MUC12: variants seen among roughly 807,000 people sequenced by gnomAD.
MUC12 encodes the protein mucin-12.
A neutral mutation model predicts 230.8 loss-of-function variants in MUC12; 172 were observed. The observed-to-expected ratio is 0.75, with a 90% CI of 0.66 to 0.85. The LOEUF (loss-of-function observed/expected upper bound fraction) is 0.85, where lower values mean the gene tolerates loss of function less well. MUC12 is among the 40% of genes least tolerant of loss of function. The probability of loss-of-function intolerance (pLI) is 0.00; values close to 1 mark genes in which losing one functional copy is unlikely to be tolerated. For synonymous variants in MUC12, 1,259 were observed against 2,401.9 expected, an observed-to-expected ratio of 0.52 and a Z score of 13.91; for missense variants, 3,506 against 5,920.6, an observed-to-expected ratio of 0.59 and a Z score of 13.38.
intron 10 of MUC12, chr7:101,017,373 C>A: frequency 1.8e-6 from 1 of 552,958 alleles, no homozygotes. Flanking sequence ...CCTCCTGTTC[C>A]GGGGTCCAGC....
rs771524348 is a variant in MUC12 at position 100,991,424 on chromosome 7, T to C, written c.861T>C (p.Thr287=). 1.3e-6 allele frequency: 2 copies of C among 1,537,790 alleles called. No individual in the cohort carries two copies. The highest frequency in any genetic ancestry group is 2.4e-5 in the South Asian group (2 of 84,052). The change falls in exon 2 of 12, where the codon ACT becomes ACC. Residue 287 remains threonine (T), a synonymous_variant. Coordinates refer to ENST00000536621, the MANE Select transcript of MUC12 (RefSeq NM_001164462.2). ...AGAGCTGGCCAAGCTCAAAGGACAC[T>C]TCGCCTGCACCTTCTGGTACCACAT... ...TFQSWPSSKD[T]SPAPSGTTSA... is the part of the protein sequence containing the mutation.
At chr7:101,008,179 G>A (rs755341384) in intron 3 of MUC12, among the ~76,000 whole-genome samples, 2 of 151,922 alleles carry the variant, frequency 1.3e-5, no homozygotes, top group Non-Finnish European at 2.9e-5. Context: ...AGGCTGGAGT[G>A]CAGAGGTGCA....
chr7:101,008,729 T>C lies in MUC12; in HGVS notation c.15154T>C (p.Tyr5052His). 2.0e-6 allele frequency: 3 copies of C among 1,537,248 alleles called. No homozygotes were observed. The highest frequency in any genetic ancestry group is 2.6e-6 in the Non-Finnish European group (3 of 1,146,926). ...EKMNDASSQE[Y>H]QNFSTLFKNR... ...GATGAATGACGCATCCTCCCAGGAA[T>C]ACCAGAACTTCAGTACCCTCTTCAA... Residue 5052 changes from tyrosine (Y) to histidine (H), a missense_variant, in exon 4 of 12, where the codon TAC becomes CAC. Transcript: ENST00000536621.
intron 5 of MUC12, among the ~76,000 whole-genome samples, chr7:101,009,772 C>T (rs546773995): frequency 2.0e-5 from 3 of 152,136 alleles, no homozygotes; most frequent in South Asian, 4.2e-4. Flanking sequence ...CAGAGGGAAT[C>T]GATGAGAAGA....
intron 8 of MUC12, 97 bp downstream of exon 8, chr7:101,013,239 C>T (rs1793864137): frequency 5.7e-6 from 8 of 1,391,746 alleles, no homozygotes; most frequent in Middle Eastern, 2.4e-4. Context: ...TTGAGTAGAG[C>T]TTGGGAGGTG....
intron 1 of MUC12, chr7:100,972,059 CTCCGGAGGGCTCCGGAAGATCTGATTAGA>C: frequency 1.4e-6 from 1 of 702,538 alleles, no homozygotes; most frequent in Non-Finnish European, 2.6e-6. Flanking sequence ...AGTAGGGCCA[CTCCGGAGGGCTCCGGAAGATCTGATTAGA>C]TCCAGAGACC....
At chr7:101,009,252 A>T in intron 5 of MUC12, 93 bp downstream of exon 5, 3 of 1,317,926 alleles carry the variant, frequency 2.3e-6, no homozygotes, top group Non-Finnish European at 3.2e-6. Flanking sequence ...CTAGAATATC[A>T]ATACTGGTTG....
chr7:100,978,052 T>C (rs1178524693), intron 1 of MUC12, among the ~76,000 whole-genome samples: 1 of 152,234 alleles, frequency 6.6e-6, no homozygotes, highest in Non-Finnish European at 1.5e-5. Context: ...TAATGACATC[T>C]GGAAAGCCCC....
At position 100,991,996 on chromosome 7, in the gene MUC12, C is replaced by T; in HGVS notation, c.1433C>T (p.Thr478Ile). Residue 478 changes from threonine to isoleucine, a missense_variant, in exon 2 of 12, where the codon ACA (threonine) becomes ATA (isoleucine). Transcript: ENST00000536621. Reference protein sequence around the residue: ...SPISSGSMETTALPGSTTKPG... With the variant: ...SPISSGSMETIALPGSTTKPG... ...ATCAGTTCAGGCTCAATGGAAACCA[C>T]AGCGTTACCCGGCAGTACCACAAAA... is the stretch of plus-strand genomic sequence containing the variant. 2 of 1,537,990 alleles carry T rather than the reference C, an allele frequency of 1.3e-6. No individual in the cohort carries two copies. Among genetic ancestry groups the T allele is most frequent in the African/African-American group, 1.4e-5 (1 of 73,184 alleles).
intron 1 of MUC12, among the ~76,000 whole-genome samples, chr7:100,990,018 G>T (rs1435004527): frequency 1.3e-5 from 2 of 152,148 alleles, no homozygotes; most frequent in Non-Finnish European, 2.9e-5. Context: ...ACAAATTACA[G>T]TCAAGACTCA....
At chr7:100,984,671 C>T (rs531947479) in intron 1 of MUC12, among the ~76,000 whole-genome samples, 10 of 152,242 alleles carry the variant, frequency 6.6e-5, no homozygotes, top group Admixed American at 2.0e-4. Flanking sequence ...GTTACTTTGG[C>T]CTTTGTGTGC....
chr7:100,981,356 T>C, intron 1 of MUC12: 1 of 620,440 alleles, frequency 1.6e-6, no homozygotes, highest in Non-Finnish European at 2.9e-6. Flanking sequence ...ATGGTTCCCT[T>C]GTCCCTCCTG....
intron 1 of MUC12, among the ~76,000 whole-genome samples, chr7:100,979,597 T>G (rs1338649637): frequency 1.3e-5 from 2 of 151,988 alleles, no homozygotes; most frequent in Non-Finnish European, 2.9e-5. Context: ...CTGGCCAACA[T>G]GGTGAAACCC....
At chr7:100,982,469 C>T (rs1205176627) in intron 1 of MUC12, among the ~76,000 whole-genome samples, 2 of 150,250 alleles carry the variant, frequency 1.3e-5, no homozygotes, top group Non-Finnish European at 3.0e-5. Context: ...CAGGGTCTTG[C>T]TCTGTTGCCC....
chr7:101,013,165 C>G, intron 8 of MUC12, 23 bp downstream of exon 8: 1 of 1,536,718 alleles, frequency 6.5e-7, no homozygotes, highest in Non-Finnish European at 8.7e-7. Context: ...ATAAGCCCAG[C>G]ACCCACTCTG....
At chr7:101,006,367 C>T (rs1350405564) in intron 2 of MUC12, 104 bp from the exon 3 acceptor site, 22 of 754,824 alleles carry the variant, frequency 2.9e-5, no homozygotes, top group Non-Finnish European at 4.8e-5. Context: ...CTGGCATCGT[C>T]CTGCTCTCCA....
At chr7:101,006,142 C>T (rs1322685959) in intron 2 of MUC12, among the ~76,000 whole-genome samples, 1 of 152,148 alleles carries the variant, frequency 6.6e-6, no homozygotes, top group Non-Finnish European at 1.5e-5. Context: ...CTCTGGCCTC[C>T]TGTGGTTTTG....
chr7:100,980,112 C>A (rs1165141600), intron 1 of MUC12, among the ~76,000 whole-genome samples: 1 of 151,780 alleles, frequency 6.6e-6, no homozygotes, highest in Admixed American at 6.6e-5. Context: ...GGTGCCATCT[C>A]GGCTCACTGC....
In MUC12 at chr7:100,995,941, G is replaced by T. The variant is rs572935400; in HGVS notation, c.5378G>T (p.Arg1793Leu). The stretch of plus-strand genomic sequence containing the variant: ...CCTGAAAGCTCCACAGCTTCAGGTC[G>T]TAGTGAAGAATCAAGAACTTCCCAC... ...HFPESSTASG[R>L]SEESRTSHSS... Residue 1793 changes from arginine (R) to leucine (L), a missense_variant, in exon 2 of 12, where the codon CGT becomes CTT. By Grantham distance (102) the Arg-to-Leu change is moderately radical (BLOSUM62 -2). Transcript: ENST00000536621. 1 of 1,016,220 alleles carries T rather than the reference G, an allele frequency of 9.8e-7. No individual in the cohort carries two copies. 63.0% of individuals were successfully genotyped at this position (1,016,220 alleles called of 1,614,324 possible). A position where few individuals can be genotyped will look rare whatever the true frequency, so the allele number is the denominator to read the frequency against.
Sources: allele counts gnomAD v4.1 joint callset (sites outside exome capture counted in the v4.1 genomes callset), GRCh38; gene constraint gnomAD v4.1.1; transcripts MANE v1.5; gene names NCBI Gene and HGNC (gene_info 2026-07-23, HGNC 2026-07-21).